STK38: variants seen among roughly 807,000 people sequenced by gnomAD.
STK38 encodes the protein serine/threonine kinase 38, also known as serine/threonine-protein kinase 38.
Under a neutral mutation model 59.0 loss-of-function variants are expected in STK38, and 26 were observed. That is an observed-to-expected ratio of 0.44 (90% confidence interval 0.32 to 0.61). STK38 has a LOEUF of 0.61. STK38 is among the 20% of genes least tolerant of loss of function. STK38 has a pLI of 0.04. For missense variants in STK38, 433 were observed against 566.0 expected (o/e 0.76, Z 2.38); for synonymous variants, 175 against 176.6 (o/e 0.99, Z 0.07).
At chr6:36,541,239 T>C (rs754402302) in intron 1 of STK38, among the ~76,000 whole-genome samples, 3 of 152,154 alleles carry the variant, frequency 2.0e-5, no homozygotes, top group Non-Finnish European at 2.9e-5. Context: ...CAAGTGCATA[T>C]TGCATTTTTA....
Position 36,527,207 on chromosome 6 carries a change from A to AATATATATATATATATAT in STK38, c.132-1566_132-1565insATATATATATATATATAT, listed in dbSNP as rs1554168829. 1.4e-4 allele frequency among the ~76,000 whole-genome samples: 17 copies of AATATATATATATATATAT among 119,338 alleles called. No homozygotes were observed. The East Asian group carries it at 1.7e-3, about 12-fold the overall frequency. The allele number at this position is 119,338 out of a possible 152,430, so 78.3% of individuals were successfully genotyped here. On this transcript the variant is annotated intron_variant, in intron 2 of 13. Coordinates refer to ENST00000229812, the MANE Select transcript of STK38 (RefSeq NM_007271.4). ...ACTCCGTCTCAAAAAAAAAAAAAAA[A>AATATATATATATATATAT]ATATATGTATATATATATATATTTA...
At chr6:36,527,297 T>TATGTATATACGTATATATACACAC (rs1397967660) in intron 2 of STK38, among the ~76,000 whole-genome samples, 2 of 142,380 alleles carry the variant, frequency 1.4e-5, no homozygotes, top group Non-Finnish European at 3.0e-5. Flanking sequence ...CATATACACA[T>TATGTATATACGTATATATACACAC]ATGTATATAC....
At chr6:36,526,661 G>A (rs1386134463) in intron 2 of STK38, among the ~76,000 whole-genome samples, 7 of 152,300 alleles carry the variant, frequency 4.6e-5, no homozygotes, top group Admixed American at 1.3e-4. Flanking sequence ...TTGGGAGGCC[G>A]AGGCGGGTGG....
chr6:36,515,086 C>T (rs72851278), intron 7 of STK38, among the ~76,000 whole-genome samples: 188 of 152,022 alleles, frequency 1.2e-3, no homozygotes, highest in Non-Finnish European at 2.1e-3. Flanking sequence ...TACAAAATTG[C>T]CCTCTACATC....
chr6:36,509,140 G>T (rs1777040783), intron 7 of STK38, among the ~76,000 whole-genome samples: 1 of 152,196 alleles, frequency 6.6e-6, no homozygotes, highest in Non-Finnish European at 1.5e-5. Context: ...CATTTGACAG[G>T]TCCCAGGTTC....
chr6:36,543,604 C>A (rs1777993442), intron 1 of STK38, among the ~76,000 whole-genome samples: 1 of 151,960 alleles, frequency 6.6e-6, no homozygotes. Context: ...CTACTACCCC[C>A]CACAGCTGCA....
At chr6:36,519,328 A>C (rs942879630) in intron 5 of STK38, among the ~76,000 whole-genome samples, 3 of 152,204 alleles carry the variant, frequency 2.0e-5, no homozygotes, top group African/African-American at 7.2e-5. Context: ...AGCTTTTGGG[A>C]AACAGTAACA....
intron 7 of STK38, 118 bp from the exon 8 acceptor site, chr6:36,507,720 C>T: frequency 3.2e-6 from 2 of 621,576 alleles, no homozygotes; most frequent in East Asian, 5.5e-5. Context: ...ACTGCTCCTT[C>T]TTTTATGATA....
At chr6:36,527,207 A>AAAATATATATAT (rs60162863) in intron 2 of STK38, among the ~76,000 whole-genome samples, 26 of 119,340 alleles carry the variant, frequency 2.2e-4, no homozygotes, top group South Asian at 9.8e-4. Context: ...AAAAAAAAAA[A>AAAATATATATAT]ATATATGTAT....
intron 9 of STK38, among the ~76,000 whole-genome samples, chr6:36,506,363 C>T (rs374300193): frequency 6.6e-6 from 1 of 152,116 alleles, no homozygotes; most frequent in Admixed American, 6.5e-5. Flanking sequence ...AGAATGAGGT[C>T]GCCCACGGAA....
chr6:36,520,475 C>T (rs1385739211), intron 5 of STK38, among the ~76,000 whole-genome samples: 3 of 152,158 alleles, frequency 2.0e-5, no homozygotes, highest in Admixed American at 6.5e-5. Flanking sequence ...AAAAAGAGGT[C>T]TTAAGCCTTG....
At chr6:36,503,622 T>C (rs2127468913) in intron 9 of STK38, among the ~76,000 whole-genome samples, 1 of 152,310 alleles carries the variant, frequency 6.6e-6, no homozygotes, top group South Asian at 2.1e-4. Context: ...AGGTTTACTC[T>C]ACCAAAGATG....
At chr6:36,527,240 A>ATACACATGTATACATATGTATATATG (rs1315856406) in intron 2 of STK38, among the ~76,000 whole-genome samples, 57 of 145,612 alleles carry the variant, frequency 3.9e-4, no homozygotes, top group East Asian at 1.8e-3. Context: ...TTATATGTAT[A>ATACACATGTATACATATGTATATATG]TACACATGTA....
chr6:36,530,691 CTTTT>C (rs760949624), intron 2 of STK38, among the ~76,000 whole-genome samples: 2 of 122,636 alleles, frequency 1.6e-5, no homozygotes, highest in Non-Finnish European at 1.7e-5. Flanking sequence ...CTTTTCTTTT[CTTTT>C]TTTTTTTTTT....
intron 2 of STK38, among the ~76,000 whole-genome samples, chr6:36,527,534 C>A (rs970028893): frequency 1.3e-5 from 2 of 149,680 alleles, no homozygotes; most frequent in African/African-American, 4.9e-5. Flanking sequence ...GCTCAGATGT[C>A]GGAGTGAGAC....
rs141934371 is a variant in STK38, at chr6:36,524,231, C to G, written c.306+110G>C. 1.8e-3 allele frequency: 2,371 copies of G among 1,338,012 alleles called. 49 individuals are homozygous for G. Among genetic ancestry groups the G allele is most frequent in the Non-Finnish European group, 1.8e-4 (184 of 1,002,400 alleles). The allele number at this position is 1,338,012 out of a possible 1,614,324, so 82.9% of individuals were successfully genotyped here. A position where few individuals can be genotyped will look rare whatever the true frequency, so the allele number is the denominator to read the frequency against. On this transcript the variant is annotated intron_variant, in intron 4 of 13. Coordinates refer to ENST00000229812, the MANE Select transcript of STK38 (RefSeq NM_007271.4). ...TAGGATGTGGGGCTGGCATGCCTGA[C>G]TCATTTAATTCCATATATTTGTTAT...
chr6:36,512,941 T>A (rs1777148293), intron 7 of STK38, among the ~76,000 whole-genome samples: 1 of 152,184 alleles, frequency 6.6e-6, no homozygotes, highest in South Asian at 2.1e-4. Context: ...ATTACAGACG[T>A]GGGCCACCGC....
At chr6:36,522,070 A>G in intron 4 of STK38, 1 of 293,980 alleles carries the variant, frequency 3.4e-6, no homozygotes, top group South Asian at 6.5e-5. Flanking sequence ...GAACAAGCCA[A>G]TCTAATTTAA....
rs1554168828 is a variant in STK38, at chr6:36,527,207, A to ATATATATAT, written c.132-1566_132-1565insATATATATA. On this transcript the variant is annotated intron_variant, in intron 2 of 13. Coordinates refer to ENST00000229812, the MANE Select transcript of STK38 (RefSeq NM_007271.4). ...ACTCCGTCTCAAAAAAAAAAAAAAA[A>ATATATATAT]ATATATGTATATATATATATATTTA... is the stretch of plus-strand genomic sequence containing the variant. 2.7e-3 allele frequency among the ~76,000 whole-genome samples: 324 copies of ATATATATAT among 119,292 alleles called. 6 individuals carry two copies. The highest frequency in any genetic ancestry group is 9.8e-3 in the East Asian group (40 of 4,086). 78.3% of individuals were successfully genotyped at this position (119,292 alleles called of 152,430 possible).
Sources: allele counts gnomAD v4.1 joint callset (sites outside exome capture counted in the v4.1 genomes callset), GRCh38; gene constraint gnomAD v4.1.1; transcripts MANE v1.5; gene names NCBI Gene and HGNC (gene_info 2026-07-23, HGNC 2026-07-21).